Variants in ATP1A2 observed in about 807,000 individuals in gnomAD.
ATP1A2 encodes the protein sodium/potassium-transporting ATPase subunit alpha-2.
Under a neutral mutation model 113.1 loss-of-function variants are expected in ATP1A2, and 56 were observed. The ratio of observed to expected loss-of-function variants is 0.49; its 90% CI spans 0.40 to 0.62. ATP1A2 has a LOEUF of 0.62. ATP1A2 is among the 20% of genes least tolerant of loss of function. The pLI, the probability that ATP1A2 is intolerant of heterozygous loss-of-function variation, is 0.00. For synonymous variants in ATP1A2, 490 were observed against 526.8 expected, an observed-to-expected ratio of 0.93 and a Z score of 0.96; for missense variants, 712 against 1,357.8, an observed-to-expected ratio of 0.52 and a Z score of 7.47.
rs533663836 is a variant in ATP1A2, at chr1:160,124,388, C to T, written c.588C>T (p.Arg196=). 36 of 1,612,368 alleles carry T rather than the reference C, an allele frequency of 2.2e-5. 1 individual carries two copies. In the South Asian group the frequency reaches 2.4e-4, roughly 11 times the overall value. ...GDLVEVKGGD[R]VPADLRIISS... Reference sequence around the variant, plus strand: ...TGGTGGAGGTGAAGGGTGGAGACCGCGTCCCTGCTGACCTCCGGATCATCT... The same window carrying T: ...TGGTGGAGGTGAAGGGTGGAGACCGTGTCCCTGCTGACCTCCGGATCATCT... The change falls in exon 6 of 23, where the codon CGC becomes CGT. Residue 196 remains arginine, a synonymous_variant. Coordinates refer to ENST00000361216, the MANE Select transcript of ATP1A2 (RefSeq NM_000702.4).
At chr1:160,120,345 C>T (rs1423720781) in intron 1 of ATP1A2, among the ~76,000 whole-genome samples, 1 of 152,154 alleles carries the variant, frequency 6.6e-6, no homozygotes, top group Admixed American at 6.5e-5. Flanking sequence ...CCCTACCATT[C>T]CACCACCAGA....
In ATP1A2 at chr1:160,120,396, C is replaced by T. The variant is rs1651355146; in HGVS notation, c.13-510C>T. ...GACACGTTCCTGCCTAATCCCCTGG[C>T]TCCCCAAAGACTCTTGCTCCCCCAA... On this transcript the variant is annotated intron_variant, in intron 1 of 22. Coordinates refer to ENST00000361216, the MANE Select transcript of ATP1A2 (RefSeq NM_000702.4). Among the ~76,000 whole-genome samples, 4 of 152,088 alleles carry T rather than the reference C, an allele frequency of 2.6e-5. No individual in the cohort carries two copies. In the South Asian group the frequency reaches 8.3e-4, roughly 32 times the overall value.
chr1:160,119,842 A>G (rs200870773), intron 1 of ATP1A2, among the ~76,000 whole-genome samples: 34,984 of 147,652 alleles, frequency 0.24, 4,946 homozygotes, highest in African/African-American at 0.37. Flanking sequence ...AAAAAAAAAA[A>G]AAAGAAAGAA....
At chr1:160,128,507 C>T (rs1388650923) in intron 8 of ATP1A2, 145 bp from the exon 9 acceptor site, 1 of 1,542,730 alleles carries the variant, frequency 6.5e-7, no homozygotes, top group Admixed American at 2.0e-5. Flanking sequence ...TAAAATTGAA[C>T]ATTCATTATT....
chr1:160,119,255 GCAAAAAAA>G (rs1459291193), intron 1 of ATP1A2, among the ~76,000 whole-genome samples: 2 of 2,642 alleles, frequency 7.6e-4, no homozygotes, highest in Admixed American at 8.5e-3. Flanking sequence ...GCATTATCCT[GCAAAAAAA>G]AAAAAAAAAA....
chr1:160,132,924 C>T (rs992397326), intron 13 of ATP1A2, among the ~76,000 whole-genome samples: 5 of 151,914 alleles, frequency 3.3e-5, no homozygotes, highest in Admixed American at 6.5e-5. Flanking sequence ...ACAAGAGGAA[C>T]CAGTGAGGAG....
At chr1:160,118,963 T>C (rs1651278176) in intron 1 of ATP1A2, among the ~76,000 whole-genome samples, 1 of 152,066 alleles carries the variant, frequency 6.6e-6, no homozygotes, top group Non-Finnish European at 1.5e-5. Flanking sequence ...CAATGGCGGA[T>C]ACACGTCAGT....
intron 11 of ATP1A2, 45 bp downstream of exon 11, chr1:160,129,445 T>C: frequency 6.2e-7 from 1 of 1,603,290 alleles, no homozygotes. Context: ...GGGATATAAA[T>C]GGGTGAGGGT....
rs374724827 is a variant in ATP1A2, at chr1:160,130,470, A to G, written c.1700A>G (p.Lys567Arg). The G allele has an allele frequency of 6.2e-6, 10 of 1,614,082 alleles. No individual in the cohort carries two copies. The highest frequency in any genetic ancestry group is 1.3e-5 in the African/African-American group (1 of 74,930). ...TCTGGAAAGTTTCCTCGGGGCTTCA[A>G]ATTCGACACGGATGAGCTGAACTTT... ...LPSGKFPRGF[K>R]FDTDELNFPT... is the part of the protein sequence containing the mutation. Residue 567 changes from lysine (K) to arginine (R), a missense_variant, in exon 13 of 23, where the codon AAA becomes AGA. Lys to Arg is a conservative substitution (Grantham distance 26, BLOSUM62 2). Around this residue, in one of 6 missense-constraint regions of ATP1A2, gnomAD observed 263 missense variants for 380.6 expected, o/e 0.69. Transcript: ENST00000361216.
rs200854586 is a variant in ATP1A2 at position 160,135,309 on chromosome 1, C to T, written c.2115+14C>T. 489 of 1,614,090 alleles carry T rather than the reference C, an allele frequency of 3.0e-4. 1 individual carries two copies. In the African/African-American group the frequency reaches 5.1e-3, roughly 17 times the overall value. ...TGTCAGAGGCAGGTGAGCACAGCCA[C>T]GGGAGGCAGATGACAGGCAGGGACC... On this transcript the variant is annotated intron_variant, in intron 15 of 22. Coordinates refer to ENST00000361216, the MANE Select transcript of ATP1A2 (RefSeq NM_000702.4). The surrounding 1 kb of genome is among the most constrained non-coding windows in gnomAD (Gnocchi z 6.3).
intron 13 of ATP1A2, among the ~76,000 whole-genome samples, chr1:160,131,505 G>A (rs879490370): frequency 5.8e-4 from 88 of 152,082 alleles, no homozygotes; most frequent in African/African-American, 2.0e-3. Context: ...CTCTGTCTCC[G>A]AGGCAGGCAT....
At chr1:160,120,771 C>G (rs138021721) in intron 1 of ATP1A2, 135 bp from the exon 2 acceptor site, 6 of 847,184 alleles carry the variant, frequency 7.1e-6, no homozygotes, top group African/African-American at 5.1e-5. Flanking sequence ...CACCCTCCAT[C>G]CCCCCTATCT....
chr1:160,126,187 C>T (rs1651580843), intron 7 of ATP1A2, among the ~76,000 whole-genome samples: 2 of 152,114 alleles, frequency 1.3e-5, no homozygotes, highest in Admixed American at 1.3e-4. Flanking sequence ...TCTAAGGATC[C>T]TCAAAGGCCC....
Position 160,136,160 on chromosome 1 carries a change from C to T in ATP1A2, c.2440-87C>T, listed in dbSNP as rs1287363498. 28 of 1,603,978 alleles carry T rather than the reference C, an allele frequency of 1.7e-5. No individual in the cohort carries two copies. In the East Asian group the frequency reaches 2.2e-4, roughly 13 times the overall value. The stretch of plus-strand genomic sequence containing the variant: ...ATACACGCTTTTTTAACTGTGTCAA[C>T]GATCGTCACTGTCGAAGATCAATTG... On this transcript the variant is annotated intron_variant, in intron 17 of 22. Coordinates refer to ENST00000361216, the MANE Select transcript of ATP1A2 (RefSeq NM_000702.4).
chr1:160,131,204 T>G (rs1651760381), intron 13 of ATP1A2, among the ~76,000 whole-genome samples: 1 of 152,146 alleles, frequency 6.6e-6, no homozygotes, highest in Admixed American at 6.5e-5. Context: ...ACATGACACA[T>G]CTAGATGGGA....
chr1:160,127,573 T>C lies in ATP1A2; in HGVS notation c.770T>C (p.Ile257Thr), dbSNP rs1371813756. The change falls in exon 8 of 23, where the codon ATT (isoleucine) becomes ACT (threonine). Residue 257 changes from isoleucine (I) to threonine (T), a missense_variant. By Grantham distance (89) the Ile-to-Thr change is moderately conservative. Transcript: ENST00000361216. ...GCAGGCACTGCCAGGGGCATTGTGA[T>C]TGCCACAGGAGACCGGACGGTGATG... ...CVEGTARGIV[I>T]ATGDRTVMGR... 3.1e-6 allele frequency: 5 copies of C among 1,614,242 alleles called. No homozygotes were observed. The highest frequency in any genetic ancestry group is 4.2e-6 in the Non-Finnish European group (5 of 1,180,044).
chr1:160,140,961 C>A (rs1652129386), intron 22 of ATP1A2, among the ~76,000 whole-genome samples: 1 of 143,222 alleles, frequency 7.0e-6, no homozygotes, highest in South Asian at 2.3e-4. Context: ...CTCCTGGGTT[C>A]AAGCAATTCT....
rs1487585823 is a variant in ATP1A2, at chr1:160,141,452, C to T, written c.*130C>T. Reference sequence around the variant, plus strand: ...CATTTGGGGAGAGATAATGAGGCAACTCAGCAGGCTAAGTTGCGGGGTATA... The same window carrying T: ...CATTTGGGGAGAGATAATGAGGCAATTCAGCAGGCTAAGTTGCGGGGTATA... On this transcript the variant is annotated 3_prime_UTR_variant, in exon 23 of 23. Transcript: ENST00000361216. The T allele has an allele frequency of 3.3e-6, 4 of 1,196,686 alleles. No homozygotes were observed. The highest frequency in any genetic ancestry group is 1.8e-5 in the Admixed American group (1 of 54,834). The allele number at this position is 1,196,686 out of a possible 1,614,324, so 74.1% of individuals were successfully genotyped here. A position where few individuals can be genotyped will look rare whatever the true frequency, so the allele number is the denominator to read the frequency against.
At chr1:160,117,455 T>C (rs1206972746) in intron 1 of ATP1A2, among the ~76,000 whole-genome samples, 1 of 152,244 alleles carries the variant, frequency 6.6e-6, no homozygotes, top group Non-Finnish European at 1.5e-5. Flanking sequence ...TCTGTCTTTT[T>C]CCCCTAGCAC....
Sources: allele counts gnomAD v4.1 joint callset (sites outside exome capture counted in the v4.1 genomes callset), GRCh38; gene constraint gnomAD v4.1.1; regional missense constraint gnomAD v4.1.1; non-coding constraint Gnocchi (gnomAD v3.1); transcripts MANE v1.5; gene names NCBI Gene and HGNC (gene_info 2026-07-23, HGNC 2026-07-21).